Variants in NKAIN3 observed in about 807,000 individuals in gnomAD.
NKAIN3 encodes sodium/potassium-transporting ATPase subunit beta-1-interacting protein 3.
In NKAIN3, 25 loss-of-function variants were observed where a neutral mutation model predicts 30.2. The observed-to-expected ratio is 0.83, with a 90% CI of 0.60 to 1.16. The LOEUF (loss-of-function observed/expected upper bound fraction) is 1.16, where lower values mean the gene tolerates loss of function less well. NKAIN3 is among the 50% of genes most tolerant of loss of function. The pLI, the probability that NKAIN3 is intolerant of heterozygous loss-of-function variation, is 0.00. For synonymous variants in NKAIN3, 91 were observed against 89.6 expected, an observed-to-expected ratio of 1.02 and a Z score of -0.09; for missense variants, 225 against 254.1, an observed-to-expected ratio of 0.89 and a Z score of 0.78.
At chr8:62,256,866 A>G (rs1004323203) in intron 1 of NKAIN3, among the ~76,000 whole-genome samples, 1 of 152,214 alleles carries the variant, frequency 6.6e-6, no homozygotes, top group Non-Finnish European at 1.5e-5. Context: ...AATGGTTTCA[A>G]CATTCCTTCT....
At chr8:62,327,964 T>A (rs1408498361) in intron 1 of NKAIN3, among the ~76,000 whole-genome samples, 1 of 152,106 alleles carries the variant, frequency 6.6e-6, no homozygotes, top group Admixed American at 6.6e-5. Flanking sequence ...TAGCAATGTT[T>A]TAGAGTTTTC....
At chr8:62,401,257 C>T (rs1585766563) in intron 1 of NKAIN3, among the ~76,000 whole-genome samples, 1 of 152,048 alleles carries the variant, frequency 6.6e-6, no homozygotes, top group Admixed American at 6.6e-5. Flanking sequence ...ATTTTTTTAA[C>T]TCAGAGTTTC....
intron 1 of NKAIN3, among the ~76,000 whole-genome samples, chr8:62,264,645 G>C (rs1812551667): frequency 6.6e-6 from 1 of 152,164 alleles, no homozygotes; most frequent in African/African-American, 2.4e-5. Context: ...ACTGAAGTTA[G>C]CTACAGCTAC....
At chr8:62,990,793 C>T (rs894922021) in intron 5 of NKAIN3, 2 of 152,158 alleles carry the variant, frequency 1.3e-5, no homozygotes, top group Non-Finnish European at 2.9e-5. Flanking sequence ...ACCAACTAGA[C>T]CTTTTCTCAT....
intron 1 of NKAIN3, among the ~76,000 whole-genome samples, chr8:62,485,141 T>G (rs1429244669): frequency 6.6e-6 from 1 of 152,090 alleles, no homozygotes; most frequent in Non-Finnish European, 1.5e-5. Flanking sequence ...CTTTTCATGA[T>G]GTATGCTAAA....
At chr8:62,596,560 G>T (rs1427786782) in intron 3 of NKAIN3, among the ~76,000 whole-genome samples, 1 of 152,152 alleles carries the variant, frequency 6.6e-6, no homozygotes, top group African/African-American at 2.4e-5. Context: ...AGCATACTTA[G>T]AGTCTGTATA....
chr8:62,937,261 G>A (rs1248762065), intron 5 of NKAIN3, among the ~76,000 whole-genome samples: 2 of 152,108 alleles, frequency 1.3e-5, no homozygotes, highest in Non-Finnish European at 2.9e-5. Context: ...AACTACTGCA[G>A]GAACATATCA....
intron 4 of NKAIN3, among the ~76,000 whole-genome samples, chr8:62,789,929 A>G (rs912562330): frequency 1.2e-4 from 19 of 152,188 alleles, no homozygotes; most frequent in African/African-American, 4.3e-4. Flanking sequence ...TCCAATCAAT[A>G]GAAAAAGAGG....
intron 1 of NKAIN3, among the ~76,000 whole-genome samples, chr8:62,510,456 CAT>C: frequency 6.6e-6 from 1 of 152,166 alleles, no homozygotes; most frequent in African/African-American, 2.4e-5. Context: ...GTCAGCTTAC[CAT>C]GACAACTCAC....
chr8:62,611,028 A>G (rs11998017), intron 3 of NKAIN3, among the ~76,000 whole-genome samples: 337 of 152,248 alleles, frequency 2.2e-3, no homozygotes, highest in African/African-American at 7.4e-3. Context: ...CAGTGGGGGA[A>G]AAAAGCTAAA....
intron 4 of NKAIN3, among the ~76,000 whole-genome samples, chr8:62,811,953 T>A (rs575825061): frequency 1.6e-4 from 24 of 152,092 alleles, no homozygotes; most frequent in African/African-American, 5.1e-4. Context: ...GTGTTTTTTT[T>A]TCCCTAAAGC....
At chr8:62,646,666 C>T (rs970024902) in intron 3 of NKAIN3, among the ~76,000 whole-genome samples, 3 of 152,026 alleles carry the variant, frequency 2.0e-5, no homozygotes, top group Non-Finnish European at 4.4e-5. Context: ...AATATGAGCC[C>T]GTATTACATT....
At chr8:62,502,397 G>A (rs1435719898) in intron 1 of NKAIN3, among the ~76,000 whole-genome samples, 1 of 152,102 alleles carries the variant, frequency 6.6e-6, no homozygotes, top group Admixed American at 6.6e-5. Context: ...AGAGTCCCTA[G>A]TGAATATCCT....
At chr8:62,430,282 A>G (rs1043766878) in intron 1 of NKAIN3, among the ~76,000 whole-genome samples, 1 of 151,428 alleles carries the variant, frequency 6.6e-6, no homozygotes, top group Non-Finnish European at 1.5e-5. Context: ...TTCATATTGT[A>G]GTTATTGTGA....
At chr8:62,956,691 A>G (rs1823427631) in intron 6 of NKAIN3, among the ~76,000 whole-genome samples, 1 of 152,224 alleles carries the variant, frequency 6.6e-6, no homozygotes, top group Non-Finnish European at 1.5e-5. Context: ...TGATTACATC[A>G]ATCAGTTTAA....
At chr8:62,727,353 A>G (rs1815291242) in intron 3 of NKAIN3, among the ~76,000 whole-genome samples, 1 of 152,174 alleles carries the variant, frequency 6.6e-6, no homozygotes, top group South Asian at 2.1e-4. Context: ...TCACTAAGGC[A>G]GTAAGACAAC....
chr8:62,870,078 C>T (rs943943211), intron 4 of NKAIN3, among the ~76,000 whole-genome samples: 44 of 151,314 alleles, frequency 2.9e-4, no homozygotes, highest in Non-Finnish European at 2.2e-4. Context: ...CCCCAGCCCC[C>T]TTTCTTTGAG....
intron 3 of NKAIN3, among the ~76,000 whole-genome samples, chr8:62,634,171 G>GT (rs201871507): frequency 4.2e-4 from 62 of 149,036 alleles, no homozygotes; most frequent in East Asian, 2.2e-3. Context: ...CTTATCTGAG[G>GT]TTTTTTTTTT....
At chr8:62,327,074 G>A (rs187492932) in intron 1 of NKAIN3, among the ~76,000 whole-genome samples, 2 of 151,756 alleles carry the variant, frequency 1.3e-5, no homozygotes, top group East Asian at 3.9e-4. Flanking sequence ...ATTAGTGATG[G>A]TAAAAAATCT....
Sources: allele counts gnomAD v4.1 joint callset (sites outside exome capture counted in the v4.1 genomes callset), GRCh38; gene constraint gnomAD v4.1.1; transcripts MANE v1.5; gene names NCBI Gene and HGNC (gene_info 2026-07-23, HGNC 2026-07-21).